PCDHGA8: variants seen among roughly 807,000 people sequenced by gnomAD.
PCDHGA8 encodes protocadherin gamma subfamily A, 8.
A neutral mutation model predicts 59.2 loss-of-function variants in PCDHGA8; 45 were observed. The ratio of observed to expected loss-of-function variants is 0.76; its 90% confidence interval spans 0.60 to 0.98. PCDHGA8 has a LOEUF of 0.98. PCDHGA8 is among the 50% of genes least tolerant of loss of function. The pLI, the probability that PCDHGA8 is intolerant of heterozygous loss-of-function variation, is 0.00. For synonymous variants in PCDHGA8, 531 were observed against 519.0 expected, an observed-to-expected ratio of 1.02 and a Z score of -0.32; for missense variants, 1,257 against 1,196.2, an observed-to-expected ratio of 1.05 and a Z score of -0.75.
intron 1 of PCDHGA8, among the ~76,000 whole-genome samples, chr5:141,439,595 G>A (rs752771969): frequency 3.9e-5 from 6 of 152,192 alleles, no homozygotes; most frequent in Non-Finnish European, 5.9e-5. Flanking sequence ...CTGTTGGCCA[G>A]TCTGGAAACA....
Position 141,490,008 on chromosome 5 carries a change from C to T in PCDHGA8, c.2425-4799C>T. 6.2e-7 allele frequency: 1 copy of T among 1,614,230 alleles called. No homozygotes were observed. ...GTGTGGGAATCCCAGAGAATGCACC[C>T]ATTGGTACTCTGCTGCTCCGCCTCA... On this transcript the variant is annotated intron_variant, in intron 1 of 3. Transcript: ENST00000398604. This position sits in a 1 kb window ranked among gnomAD's most constrained non-coding sequence, Gnocchi z 5.4.
At chr5:141,452,912 A>T (rs1301567203) in intron 1 of PCDHGA8, among the ~76,000 whole-genome samples, 1 of 152,228 alleles carries the variant, frequency 6.6e-6, no homozygotes, top group African/African-American at 2.4e-5. Flanking sequence ...GGCATTATAC[A>T]GTAAGAAAGA....
chr5:141,436,840 C>T (rs1195342311), intron 1 of PCDHGA8, among the ~76,000 whole-genome samples: 1 of 152,220 alleles, frequency 6.6e-6, no homozygotes, highest in Admixed American at 6.5e-5. Flanking sequence ...TGCCTAGGCA[C>T]ATTCTTGATT....
chr5:141,394,303 AG>A lies in PCDHGA8; in HGVS notation c.1495del (p.Ala499ArgfsTer34). The A allele has an allele frequency of 1.2e-6, 2 of 1,613,924 alleles. No homozygotes were observed. Among genetic ancestry groups the A allele is most frequent in the East Asian group, 2.2e-5 (1 of 44,866 alleles). On this transcript the variant is annotated frameshift_variant, in exon 1 of 4. Coordinates refer to ENST00000398604, the MANE Select transcript of PCDHGA8 (RefSeq NM_032088.2). LOFTEE classifies it high-confidence loss of function. Reference sequence around the variant, plus strand: ...TACTCTGTGACCGAGGACACGCTGCAGGGGGCGCCCCTGTCCTCGTATATCT... The same window carrying A: ...TACTCTGTGACCGAGGACACGCTGCAGGGGCGCCCCTGTCCTCGTATATCT... ...VTYSVTEDTL[Q>X]GAPLSSYISI...
At chr5:141,436,764 A>G (rs1248797699) in intron 1 of PCDHGA8, among the ~76,000 whole-genome samples, 1 of 152,214 alleles carries the variant, frequency 6.6e-6, no homozygotes, top group East Asian at 1.9e-4. Flanking sequence ...GGTATAATGG[A>G]ATGATTTGTG....
chr5:141,419,738 C>T (rs745596534), intron 1 of PCDHGA8: 2 of 1,613,796 alleles, frequency 1.2e-6, no homozygotes, highest in Non-Finnish European at 1.7e-6. Flanking sequence ...AGGCGAGGTG[C>T]GCATGGTGCG....
rs765534200 is a variant in PCDHGA8 at position 141,410,067 on chromosome 5, G to A, written c.2424+14830G>A. 8.1e-6 allele frequency: 13 copies of A among 1,612,846 alleles called. No individual in the cohort carries two copies. In the South Asian group the frequency reaches 1.3e-4, roughly 16 times the overall value. ...CCCGGACTCTTCAGCCTGGGGCTGC[G>A]CACTGGGGAGGTGCGCACGGCTCGA... is the stretch of plus-strand genomic sequence containing the variant. On this transcript the variant is annotated intron_variant, in intron 1 of 3. Transcript: ENST00000398604.
rs1239948956 is a variant in PCDHGA8 at position 141,392,838 on chromosome 5, AGACGCGGC to A, written c.28_35del (p.Arg10AlafsTer35). 1 of 1,608,522 alleles carries A rather than the reference AGACGCGGC, an allele frequency of 6.2e-7. No individual in the cohort carries two copies. Among genetic ancestry groups the A allele is most frequent in the South Asian group, 1.1e-5 (1 of 90,532 alleles). ...AATGGCCGCTCCACAGAGTCGCCCC[AGACGCGGC>A]GAGCTGATCCTGCTGTGCGCGCTGC... On this transcript the variant is annotated frameshift_variant, in exon 1 of 4. Coordinates refer to ENST00000398604, the MANE Select transcript of PCDHGA8 (RefSeq NM_032088.2). LOFTEE classifies it high-confidence loss of function.
Position 141,477,354 on chromosome 5 carries a change from C to T in PCDHGA8, c.2425-17453C>T, listed in dbSNP as rs1164062950. On this transcript the variant is annotated intron_variant, in intron 1 of 3. Coordinates refer to ENST00000398604, the MANE Select transcript of PCDHGA8 (RefSeq NM_032088.2). This position sits in a 1 kb window ranked among gnomAD's most constrained non-coding sequence, Gnocchi z 4.9. ...AATTACTTCACTTTGAAAACCAGTG[C>T]AGACCTGGATCGGGAGACTGTGCCA... 14 of 1,614,202 alleles carry T rather than the reference C, an allele frequency of 8.7e-6. No homozygotes were observed. The highest frequency in any genetic ancestry group is 1.1e-5 in the Non-Finnish European group (13 of 1,180,036).
At chr5:141,421,965 C>A in intron 1 of PCDHGA8, 1 of 1,610,360 alleles carries the variant, frequency 6.2e-7, no homozygotes, top group Non-Finnish European at 8.5e-7. Context: ...TTACACAGTC[C>A]GTATATCGCG....
chr5:141,399,327 G>C (rs2093787081), intron 1 of PCDHGA8: 2 of 1,613,936 alleles, frequency 1.2e-6, no homozygotes, highest in African/African-American at 1.3e-5. Flanking sequence ...CGTATAAGTT[G>C]GTAACAGATG....
chr5:141,466,297 A>G (rs1206472131), intron 1 of PCDHGA8, among the ~76,000 whole-genome samples: 3 of 152,146 alleles, frequency 2.0e-5, no homozygotes, highest in East Asian at 1.9e-4. Flanking sequence ...CAGGCTCCCA[A>G]GTAGCTGGGA....
At chr5:141,427,999 T>C (rs1319115693) in intron 1 of PCDHGA8, 9 of 1,601,068 alleles carry the variant, frequency 5.6e-6, no homozygotes, top group African/African-American at 1.3e-5. Context: ...GGCTCCGCAC[T>C]CTTCGATATA....
Position 141,414,407 on chromosome 5 carries a change from A to T in PCDHGA8, c.2424+19170A>T, listed in dbSNP as rs181582338. On this transcript the variant is annotated intron_variant, in intron 1 of 3. Transcript: ENST00000398604. ...GACAGTTATTACAGATTGGTGATACACAGAGCCCTTGACAGGGAACAGGTA... is the reference window on the plus strand; with the variant it reads ...GACAGTTATTACAGATTGGTGATACTCAGAGCCCTTGACAGGGAACAGGTA... 96 of 1,613,912 alleles carry T rather than the reference A, an allele frequency of 5.9e-5. No individual in the cohort carries two copies. In the East Asian group the frequency reaches 1.5e-3, roughly 25 times the overall value.
At chr5:141,416,947 T>G (rs1436457377) in intron 1 of PCDHGA8, 1 of 152,184 alleles carries the variant, frequency 6.6e-6, no homozygotes, top group Non-Finnish European at 1.5e-5. Flanking sequence ...CCATTGAAAC[T>G]ATTATTTTAT....
At chr5:141,433,225 GCT>G in intron 1 of PCDHGA8, 1 of 1,517,048 alleles carries the variant, frequency 6.6e-7, no homozygotes, top group African/African-American at 1.4e-5. Context: ...TTTTTTAATT[GCT>G]CTGTCTCCCA....
intron 1 of PCDHGA8, chr5:141,418,929 T>A: frequency 6.2e-7 from 1 of 1,614,034 alleles, no homozygotes; most frequent in Non-Finnish European, 8.5e-7. Flanking sequence ...GATCAGATTA[T>A]GGAGGATTCC....
intron 1 of PCDHGA8, among the ~76,000 whole-genome samples, chr5:141,471,883 C>T (rs951573411): frequency 6.6e-6 from 1 of 152,084 alleles, no homozygotes; most frequent in Non-Finnish European, 1.5e-5. Flanking sequence ...GAGGCTGAAG[C>T]TAGGAAGATT....
At chr5:141,403,758 T>G in intron 1 of PCDHGA8, 1 of 1,613,922 alleles carries the variant, frequency 6.2e-7, no homozygotes, top group Non-Finnish European at 8.5e-7. Context: ...GCCAGCGACC[T>G]GGATGAGGGA....
Sources: allele counts gnomAD v4.1 joint callset (sites outside exome capture counted in the v4.1 genomes callset), GRCh38; gene constraint gnomAD v4.1.1; non-coding constraint Gnocchi (gnomAD v3.1); transcripts MANE v1.5; gene names NCBI Gene and HGNC (gene_info 2026-07-23, HGNC 2026-07-21).